The following WIPF2 variants were observed in gnomAD, a reference collection of about 807,000 sequenced individuals.
The protein encoded by WIPF2 is WAS/WASL interacting protein family member 2.
Under a neutral mutation model 38.8 loss-of-function variants are expected in WIPF2, and 23 were observed. That is an observed-to-expected ratio of 0.59 (90% CI 0.43 to 0.84). The LOEUF is 0.84. WIPF2 is among the 40% of genes least tolerant of loss of function. The pLI is 0.00. For synonymous variants in WIPF2, 210 were observed against 223.2 expected (o/e 0.94, Z 0.53); for missense variants, 574 against 580.5 (o/e 0.99, Z 0.11).
intron 1 of WIPF2, among the ~76,000 whole-genome samples, chr17:40,226,065 C>G (rs1199480553): frequency 6.6e-6 from 1 of 151,692 alleles, no homozygotes; most frequent in East Asian, 1.9e-4. Context: ...TTCTAAAGTG[C>G]AAATTCACTG....
At chr17:40,258,191 C>T (rs1351795730) in intron 2 of WIPF2, among the ~76,000 whole-genome samples, 4 of 149,876 alleles carry the variant, frequency 2.7e-5, no homozygotes, top group African/African-American at 7.4e-5. Context: ...TGAGGTCGGG[C>T]GTTTGAGACC....
At chr17:40,235,505 T>C (rs530248483) in intron 1 of WIPF2, among the ~76,000 whole-genome samples, 1 of 152,034 alleles carries the variant, frequency 6.6e-6, no homozygotes, top group Admixed American at 6.6e-5. Flanking sequence ...CTTCTCATCA[T>C]TGAAGCACAT....
rs763881293 is a variant in WIPF2, at chr17:40,260,613, A to G, written c.142A>G (p.Thr48Ala). 3.7e-6 allele frequency: 6 copies of G among 1,613,714 alleles called. No individual in the cohort carries two copies. Among genetic ancestry groups the G allele is most frequent in the Non-Finnish European group, 4.2e-6 (5 of 1,180,006 alleles). ...GALLQDICKG[T>A]KLKKVTNIND... ...CCTCTTACAGGACATTTGCAAAGGGACCAAGCTGAAGAAGGTGACCAACAT... is the reference window on the plus strand; with the variant it reads ...CCTCTTACAGGACATTTGCAAAGGGGCCAAGCTGAAGAAGGTGACCAACAT... Residue 48 changes from threonine to alanine, a missense_variant, in exon 3 of 8, where the codon ACC becomes GCC. Thr to Ala is a moderately conservative substitution (Grantham distance 58, BLOSUM62 0). Coordinates refer to ENST00000323571, the MANE Select transcript of WIPF2 (RefSeq NM_133264.5).
intron 3 of WIPF2, among the ~76,000 whole-genome samples, chr17:40,261,201 T>C (rs2145375700): frequency 6.6e-6 from 1 of 152,278 alleles, no homozygotes; most frequent in Middle Eastern, 3.4e-3. Flanking sequence ...TGTAGGCCTC[T>C]GGAGAGTGCT....
intron 1 of WIPF2, chr17:40,220,600 TATATATATATATATATATGTATATA>T (rs2030168135): frequency 1.2e-5 from 1 of 86,504 alleles, no homozygotes; most frequent in Non-Finnish European, 2.2e-5. Flanking sequence ...TATATATATA[TATATATATATATATATATGTATATA>T]TATATATTTT....
At chr17:40,220,982 G>T (rs1243770190) in intron 1 of WIPF2, among the ~76,000 whole-genome samples, 1 of 151,720 alleles carries the variant, frequency 6.6e-6, no homozygotes, top group Admixed American at 6.6e-5. Context: ...GTTTCACTGT[G>T]TTAGCCAGGA....
rs112432217 is a variant in WIPF2, at chr17:40,280,670, C to G, written c.*2445C>G. The G allele has an allele frequency of 6.6e-6, 1 of 151,308 alleles. No homozygotes were observed. The highest frequency in any genetic ancestry group is 2.4e-5 in the African/African-American group (1 of 41,094). 9.4% of individuals were successfully genotyped at this position (151,308 alleles called of 1,614,324 possible). ...TCAAAGTGTTTTTTTTTTTTTCCTC[C>G]TTTACTCAGACATAGAGCATCAAAA... is the stretch of plus-strand genomic sequence containing the variant. On this transcript the variant is annotated 3_prime_UTR_variant, in exon 8 of 8. Coordinates refer to ENST00000323571, the MANE Select transcript of WIPF2 (RefSeq NM_133264.5).
intron 3 of WIPF2, 126 bp downstream of exon 3, chr17:40,260,793 T>G: frequency 7.9e-7 from 1 of 1,259,612 alleles, no homozygotes. Context: ...GCTTTGGCTC[T>G]CTTCTTATTC....
At chr17:40,271,098 A>C (rs1310989988) in intron 5 of WIPF2, among the ~76,000 whole-genome samples, 1 of 152,120 alleles carries the variant, frequency 6.6e-6, no homozygotes, top group Non-Finnish European at 1.5e-5. Flanking sequence ...AGGCTCCAGA[A>C]TATCTGGGAT....
In WIPF2 at chr17:40,277,158, G is replaced by A. The variant is rs774100650; in HGVS notation, c.1256G>A (p.Arg419Lys). 6.2e-6 allele frequency: 10 copies of A among 1,612,754 alleles called. No homozygotes were observed. The highest frequency in any genetic ancestry group is 8.5e-6 in the Non-Finnish European group (10 of 1,179,350). ...PAPEEYKHFQ[R>K]IYPSKTNRAA... ...CCAGAAGAATATAAACACTTTCAGA[G>A]GATATATCCCAGCAAAACAAACCGA... The change falls in exon 7 of 8, where the codon AGG becomes AAG. Residue 419 changes from arginine to lysine, a missense_variant. Arg to Lys is a conservative substitution (Grantham distance 26). Coordinates refer to ENST00000323571, the MANE Select transcript of WIPF2 (RefSeq NM_133264.5).
At chr17:40,262,662 C>T in intron 4 of WIPF2, 21 bp downstream of exon 4, 2 of 1,592,410 alleles carry the variant, frequency 1.3e-6, no homozygotes, top group Non-Finnish European at 1.7e-6. Context: ...AGTACTTTCC[C>T]AGGGTATTTC....
In WIPF2 at chr17:40,260,591, C is replaced by T. The variant is rs1043634971; in HGVS notation, c.120C>T (p.Leu40=). 6.2e-7 allele frequency: 1 copy of T among 1,613,900 alleles called. No individual in the cohort carries two copies. The highest frequency in any genetic ancestry group is 8.5e-7 in the Non-Finnish European group (1 of 1,180,002). Residue 40 remains leucine (L), a synonymous_variant, in exon 3 of 8, where the codon CTC becomes CTT. Transcript: ENST00000323571. ...SRDEQRGRGA[L]LQDICKGTKL... ...ATGAGCAGCGGGGTCGAGGCGCCCTCTTACAGGACATTTGCAAAGGGACCA... is the reference window on the plus strand; with the variant it reads ...ATGAGCAGCGGGGTCGAGGCGCCCTTTTACAGGACATTTGCAAAGGGACCA...
chr17:40,223,599 G>GTTTTTTTTTTTTTTTTTTTTTTT (rs527827847), intron 1 of WIPF2, among the ~76,000 whole-genome samples: 1 of 130,308 alleles, frequency 7.7e-6, no homozygotes, highest in Non-Finnish European at 1.6e-5. Context: ...TTTTTTTTGG[G>GTTTTTTTTTTTTTTTTTTTTTTT]TTTTTTTTTT....
intron 1 of WIPF2, among the ~76,000 whole-genome samples, chr17:40,225,699 C>A (rs2030451008): frequency 6.6e-6 from 1 of 152,152 alleles, no homozygotes; most frequent in Non-Finnish European, 1.5e-5. Flanking sequence ...CTCTCTCTTG[C>A]CCAGGCTGGA....
chr17:40,227,494 C>G (rs936041214), intron 1 of WIPF2, among the ~76,000 whole-genome samples: 1 of 152,110 alleles, frequency 6.6e-6, no homozygotes, highest in Non-Finnish European at 1.5e-5. Context: ...TTGGAAACAT[C>G]TATGTTTGTC....
Position 40,263,546 on chromosome 17 carries a change from T to TCC in WIPF2, c.313+917_313+918dup, listed in dbSNP as rs71152659. ...TATTTTATTTTATTTTATTTATTCG[T>TCC]CCCCCCCCCCCCCGCAAATGGAGTC... On this transcript the variant is annotated intron_variant, in intron 4 of 7. Transcript: ENST00000323571. 9.3e-5 allele frequency among the ~76,000 whole-genome samples: 8 copies of TCC among 85,964 alleles called. No individual in the cohort carries two copies. In the East Asian group the frequency reaches 9.4e-4, roughly 10 times the overall value. The allele number at this position is 85,964 out of a possible 152,430, so 56.4% of individuals were successfully genotyped here.
chr17:40,237,560 A>G (rs1421010555), intron 1 of WIPF2, among the ~76,000 whole-genome samples: 1 of 150,532 alleles, frequency 6.6e-6, no homozygotes, highest in East Asian at 1.9e-4. Context: ...TTTTTCCTTC[A>G]TTCAATTTTT....
At position 40,227,541 on chromosome 17, in the gene WIPF2, C is replaced by T. The variant is rs745492788; in HGVS notation, c.-70+8049C>T. ...CCAGTTCATCTTCCCAGAGGCAACT[C>T]GTATTATTATTTTCTTTAGATCTGT... On this transcript the variant is annotated intron_variant, in intron 1 of 7. Coordinates refer to ENST00000323571, the MANE Select transcript of WIPF2 (RefSeq NM_133264.5). 2.6e-5 allele frequency among the ~76,000 whole-genome samples: 4 copies of T among 152,040 alleles called. No individual in the cohort carries two copies. The South Asian group carries it at 8.3e-4, about 32-fold the overall frequency.
chr17:40,228,010 G>GTTTTTTT (rs1175714533), intron 1 of WIPF2, among the ~76,000 whole-genome samples: 50 of 79,244 alleles, frequency 6.3e-4, no homozygotes, highest in African/African-American at 1.2e-3. Context: ...ACCTCTTTTT[G>GTTTTTTT]TTTTTTTTTT....
Sources: gnomAD v4.1 joint callset for allele counts (sites outside exome capture counted in the v4.1 genomes callset) on GRCh38, gnomAD v4.1.1 for gene constraint, MANE v1.5 for transcripts, NCBI Gene and HGNC (gene_info 2026-07-23, HGNC 2026-07-21) for gene names.